The following PARD3 variants were observed in gnomAD, a reference collection of about 807,000 sequenced individuals.
The protein encoded by PARD3 is partitioning defective 3 homolog.
Under a neutral mutation model 155.4 loss-of-function variants are expected in PARD3, and 75 were observed. The observed-to-expected ratio is 0.48, with a 90% CI of 0.40 to 0.58. The LOEUF (loss-of-function observed/expected upper bound fraction) is 0.58. Among genes scored for constraint, PARD3 ranks in the 20% least tolerant of loss-of-function variants. The pLI, the probability that PARD3 is intolerant of heterozygous loss-of-function variation, is 0.00. For synonymous variants in PARD3, 576 were observed against 610.5 expected, an observed-to-expected ratio of 0.94 and a Z score of 0.83; for missense variants, 1,642 against 1,721.7, an observed-to-expected ratio of 0.95 and a Z score of 0.82.
At chr10:34,177,172 C>T (rs933634590) in intron 22 of PARD3, among the ~76,000 whole-genome samples, 1 of 151,866 alleles carries the variant, frequency 6.6e-6, no homozygotes, top group Non-Finnish European at 1.5e-5. Context: ...ACGCTGAAGG[C>T]AAGAAAGAGC....
rs762091421 is a variant in PARD3, at chr10:34,470,093, C to A, written c.574G>T (p.Asp192Tyr). 3.1e-6 allele frequency: 5 copies of A among 1,597,294 alleles called. No individual in the cohort carries two copies. Among genetic ancestry groups the A allele is most frequent in the African/African-American group, 2.7e-5 (2 of 74,218 alleles). Residue 192 changes from aspartate to tyrosine, a missense_variant, in exon 4 of 25, where the codon GAC (aspartate) becomes TAC (tyrosine). Asp to Tyr is a radical substitution (Grantham distance 160). Around this residue, in one of 3 missense-constraint regions of PARD3, gnomAD observed 1,529 missense variants for 1,587.3 expected, o/e 0.96. Coordinates refer to ENST00000374788, the MANE Select transcript of PARD3 (RefSeq NM_001184785.2). ...CAAGCAGAGGTGGTTACCTTCCTGT[C>A]GCAGGTTTTAGGACTCCCAGCAGTG... is the stretch of plus-strand genomic sequence containing the variant. ...QNTAGSPKTC[D>Y]RKKDENYRSL...
chr10:34,341,576 A>G, intron 16 of PARD3, 51 bp downstream of exon 16: 2 of 1,468,382 alleles, frequency 1.4e-6, no homozygotes, highest in Non-Finnish European at 1.9e-6. Flanking sequence ...CTTAAACATA[A>G]AATGGGACTG....
intron 1 of PARD3, among the ~76,000 whole-genome samples, chr10:34,756,475 T>TTTA (rs1564585626): frequency 4.8e-5 from 4 of 83,804 alleles, no homozygotes; most frequent in Non-Finnish European, 4.8e-5. Flanking sequence ...TTTTTTTTCT[T>TTTA]ATAAAAAAAA....
intron 2 of PARD3, among the ~76,000 whole-genome samples, chr10:34,638,690 A>G (rs182629022): frequency 1.7e-4 from 26 of 152,306 alleles, no homozygotes; most frequent in African/African-American, 6.0e-4. Flanking sequence ...ACTGCTTTCC[A>G]TTTCTGGGTA....
chr10:34,429,554 GTT>G lies in PARD3; in HGVS notation c.714+20761_714+20762del, dbSNP rs1231550798. On this transcript the variant is annotated intron_variant, in intron 5 of 24. Transcript: ENST00000374788. ...AAGAATACAGCCCCACTCTAACTCA[GTT>G]TTGTTTTGTTTTGTTTTGTTTTGTT... 1.8e-3 allele frequency among the ~76,000 whole-genome samples: 39 copies of G among 22,008 alleles called. 2 individuals carry two copies. Among genetic ancestry groups the G allele is most frequent in the East Asian group, 0.01 (12 of 1,158 alleles). The allele number at this position is 22,008 out of a possible 152,430, so 14.4% of individuals were successfully genotyped here.
At chr10:34,293,539 C>G (rs1350153145) in intron 20 of PARD3, among the ~76,000 whole-genome samples, 1 of 152,058 alleles carries the variant, frequency 6.6e-6, no homozygotes, top group Non-Finnish European at 1.5e-5. Context: ...TTTCTAAATG[C>G]TTAATTTGGC....
intron 2 of PARD3, among the ~76,000 whole-genome samples, chr10:34,604,840 GA>G: frequency 6.6e-6 from 1 of 151,916 alleles, no homozygotes; most frequent in Admixed American, 6.6e-5. Context: ...ACTCAAAAGA[GA>G]AACTGCAATG....
chr10:34,400,131 T>A (rs1396275706), intron 6 of PARD3, among the ~76,000 whole-genome samples: 1 of 152,220 alleles, frequency 6.6e-6, no homozygotes, highest in Non-Finnish European at 1.5e-5. Flanking sequence ...ATAATTTTCA[T>A]AAAATTGCTC....
intron 4 of PARD3, among the ~76,000 whole-genome samples, chr10:34,458,895 T>G (rs2077476411): frequency 6.6e-6 from 1 of 152,088 alleles, no homozygotes. Flanking sequence ...CTATCAGCAG[T>G]GGGCAGGAAT....
At chr10:34,541,168 A>G (rs980558612) in intron 2 of PARD3, among the ~76,000 whole-genome samples, 3 of 152,234 alleles carry the variant, frequency 2.0e-5, no homozygotes, top group South Asian at 4.1e-4. Flanking sequence ...AATGAGGCAC[A>G]TGGAGGATGG....
At chr10:34,742,008 C>T (rs1049698378) in intron 1 of PARD3, among the ~76,000 whole-genome samples, 1 of 152,088 alleles carries the variant, frequency 6.6e-6, no homozygotes, top group Non-Finnish European at 1.5e-5. Context: ...ATGAGACAAT[C>T]CCATCCCATT....
chr10:34,671,117 T>C (rs1478464829), intron 2 of PARD3, among the ~76,000 whole-genome samples: 1 of 152,152 alleles, frequency 6.6e-6, no homozygotes, highest in African/African-American at 2.4e-5. Flanking sequence ...AGCCTTCAAA[T>C]CAAAAGAAAT....
At chr10:34,563,755 T>A (rs778749694) in intron 2 of PARD3, among the ~76,000 whole-genome samples, 4 of 152,146 alleles carry the variant, frequency 2.6e-5, no homozygotes, top group Non-Finnish European at 1.5e-5. Context: ...GGTCTCGATC[T>A]CTTGACCTCG....
At chr10:34,511,733 C>CT (rs1418290639) in intron 3 of PARD3, among the ~76,000 whole-genome samples, 1 of 152,060 alleles carries the variant, frequency 6.6e-6, no homozygotes, top group African/African-American at 2.4e-5. Flanking sequence ...GAATAGATTT[C>CT]TTTTTTTCTT....
At chr10:34,705,557 G>A (rs2094351079) in intron 1 of PARD3, among the ~76,000 whole-genome samples, 3 of 151,626 alleles carry the variant, frequency 2.0e-5, no homozygotes, top group Admixed American at 2.0e-4. Context: ...TCTTGTTACA[G>A]GAACACTGCT....
intron 2 of PARD3, among the ~76,000 whole-genome samples, chr10:34,528,314 C>A (rs1182528562): frequency 6.6e-6 from 1 of 152,120 alleles, no homozygotes; most frequent in African/African-American, 2.4e-5. Context: ...CCTCTACTTG[C>A]CTTCATTTGC....
rs71033345 is a variant in PARD3 at position 34,741,174 on chromosome 10, A to ATTTTTTTTTTTTTTTTTT, written c.121-44773_121-44756dup. Among the ~76,000 whole-genome samples the ATTTTTTTTTTTTTTTTTT allele has an allele frequency of 1.7e-4, 19 of 114,308 alleles. 1 individual carries two copies. The highest frequency in any genetic ancestry group is 5.8e-4 in the East Asian group (2 of 3,420). 75.0% of individuals were successfully genotyped at this position (114,308 alleles called of 152,430 possible). On this transcript the variant is annotated intron_variant, in intron 1 of 24. Coordinates refer to ENST00000374788, the MANE Select transcript of PARD3 (RefSeq NM_001184785.2). Reference sequence around the variant, plus strand: ...CAACTGCTGTGTTTTCGTAAACCAAATTTTTTTTTTTTTTTTTTTTGTTTG... The same window carrying ATTTTTTTTTTTTTTTTTT: ...CAACTGCTGTGTTTTCGTAAACCAAATTTTTTTTTTTTTTTTTTTTTTTTTTTTTTTTTTTTTTGTTTG...
intron 22 of PARD3, among the ~76,000 whole-genome samples, chr10:34,132,473 A>G (rs1448734002): frequency 6.6e-6 from 1 of 152,218 alleles, no homozygotes; most frequent in Non-Finnish European, 1.5e-5. Context: ...TCATTTCACT[A>G]TGCCATGCAT....
intron 5 of PARD3, among the ~76,000 whole-genome samples, chr10:34,437,081 T>TAAA (rs35137394): frequency 6.6e-6 from 1 of 151,366 alleles, no homozygotes; most frequent in Non-Finnish European, 1.5e-5. Context: ...TTTTAAAAAT[T>TAAA]AAAGAATGTT....
Sources: allele counts gnomAD v4.1 joint callset (sites outside exome capture counted in the v4.1 genomes callset), GRCh38; gene constraint gnomAD v4.1.1; regional missense constraint gnomAD v4.1.1; transcripts MANE v1.5; gene names NCBI Gene and HGNC (gene_info 2026-07-23, HGNC 2026-07-21).